Variants in PIGZ observed in about 807,000 individuals in gnomAD.
PIGZ encodes GPI alpha-1,2-mannosyltransferase 4.
PIGZ carries 16 observed loss-of-function variants against 16.4 expected under a neutral mutation model. The observed-to-expected ratio is 0.97, with a 90% CI of 0.66 to 1.48. PIGZ has a LOEUF of 1.48. Among genes scored for constraint, PIGZ ranks in the 40% most tolerant of loss-of-function variants. The pLI, the probability that PIGZ is intolerant of heterozygous loss-of-function variation, is 0.00. For missense variants in PIGZ, 770 were observed against 739.2 expected (o/e 1.04, Z -0.48); for synonymous variants, 409 against 338.4 (o/e 1.21, Z -2.29).
chr3:196,952,523 C>T (rs1221205223), intron 1 of PIGZ, among the ~76,000 whole-genome samples: 2 of 152,174 alleles, frequency 1.3e-5, no homozygotes, highest in South Asian at 2.1e-4. Flanking sequence ...CCGCAACCTC[C>T]ACCTCCCAGG....
At chr3:196,964,152 G>A (rs1206420777) in intron 1 of PIGZ, among the ~76,000 whole-genome samples, 4 of 152,010 alleles carry the variant, frequency 2.6e-5, no homozygotes, top group Admixed American at 6.6e-5. Flanking sequence ...CCGGGTTCAC[G>A]CCATTCTCCT....
rs17855662 is a variant in PIGZ at position 196,947,436 on chromosome 3, C to T, written c.1461G>A (p.Met487Ile). Residue 487 changes from methionine (M) to isoleucine (I), a missense_variant, in exon 3 of 3, where the codon ATG becomes ATA. Met to Ile is a conservative substitution (Grantham distance 10). Coordinates refer to ENST00000412723, the MANE Select transcript of PIGZ (RefSeq NM_025163.4). ...ACAGGGCCCAGTCCTCAGTCCCCCC[C>T]ATGTCCACCACCTCCACTGGTGCCC... ...GLGAPVEVVD[M>I]GGTEDWALCQ... The T allele has an allele frequency of 0.073, 117,157 of 1,613,732 alleles. 4,882 individuals carry two copies. The highest frequency in any genetic ancestry group is 0.079 in the Non-Finnish European group (93,037 of 1,180,014).
intron 1 of PIGZ, 31 bp from the exon 2 acceptor site, chr3:196,952,062 G>C: frequency 1.9e-6 from 3 of 1,575,896 alleles, no homozygotes; most frequent in Non-Finnish European, 2.6e-6. Context: ...TGGTTATCAC[G>C]ATGTAAATTA....
chr3:196,955,222 G>A (rs1191143025), intron 1 of PIGZ, among the ~76,000 whole-genome samples: 1 of 152,090 alleles, frequency 6.6e-6, no homozygotes, highest in African/African-American at 2.4e-5. Flanking sequence ...CACCTTGCCT[G>A]GCCCAAATCT....
Position 196,947,458 on chromosome 3 carries a change from G to A in PIGZ, c.1439C>T (p.Ala480Val), listed in dbSNP as rs1444047547. 2 of 1,613,626 alleles carry A rather than the reference G, an allele frequency of 1.2e-6. No homozygotes were observed. The highest frequency in any genetic ancestry group is 1.7e-5 in the Admixed American group (1 of 60,024). ...CCCCATGTCCACCACCTCCACTGGT[G>A]CCCCCAGGCCTGGGAGGTGTAGGAG... ...RHLLHLPGLGAPVEVVDMGGT... is the reference protein window; with the variant it reads ...RHLLHLPGLGVPVEVVDMGGT... The change falls in exon 3 of 3, where the codon GCA becomes GTA. Residue 480 changes from alanine (A) to valine (V), a missense_variant. Ala to Val is a moderately conservative substitution (Grantham distance 64, BLOSUM62 0). Coordinates refer to ENST00000412723, the MANE Select transcript of PIGZ (RefSeq NM_025163.4).
intron 1 of PIGZ, among the ~76,000 whole-genome samples, chr3:196,967,868 C>G (rs1027902394): frequency 4.6e-5 from 7 of 152,200 alleles, no homozygotes; most frequent in African/African-American, 1.7e-4. Context: ...TTTAACCACC[C>G]GCGACCTTGC....
chr3:196,958,723 AT>A (rs1717598098), intron 1 of PIGZ, among the ~76,000 whole-genome samples: 1 of 152,240 alleles, frequency 6.6e-6, no homozygotes, highest in East Asian at 1.9e-4. Context: ...ATATTTGTTT[AT>A]TCTTATATAT....
At chr3:196,949,121 C>A (rs191608760) in intron 2 of PIGZ, among the ~76,000 whole-genome samples, 123 of 148,622 alleles carry the variant, frequency 8.3e-4, no homozygotes, top group African/African-American at 2.3e-3. Context: ...GAGATCACAG[C>A]TCTCGCTATG....
chr3:196,964,339 G>C (rs1206628109), intron 1 of PIGZ, among the ~76,000 whole-genome samples: 1 of 151,934 alleles, frequency 6.6e-6, no homozygotes, highest in Non-Finnish European at 1.5e-5. Flanking sequence ...ATGAGCCACC[G>C]TGCCCGGCCT....
intron 1 of PIGZ, among the ~76,000 whole-genome samples, chr3:196,957,616 G>A (rs1308091684): frequency 1.3e-5 from 2 of 151,978 alleles, no homozygotes; most frequent in Admixed American, 6.6e-5. Flanking sequence ...TCCTGACCTC[G>A]TGATCCGCCG....
chr3:196,950,445 C>A (rs911740557), intron 2 of PIGZ, among the ~76,000 whole-genome samples: 1 of 152,246 alleles, frequency 6.6e-6, no homozygotes, highest in African/African-American at 2.4e-5. Context: ...TTGTTCACAG[C>A]GTCTCTTGCT....
At position 196,965,024 on chromosome 3, in the gene PIGZ, C is replaced by A. The variant is rs1717871927; in HGVS notation, c.-1+3663G>T. ...TTCTGTACCTGCTTCAAACACAGGG[C>A]AGCCCAAAAGAACTCATCACCTTCC... On this transcript the variant is annotated intron_variant, in intron 1 of 2. Coordinates refer to ENST00000412723, the MANE Select transcript of PIGZ (RefSeq NM_025163.4). The surrounding 1 kb of genome is among the most constrained non-coding windows in gnomAD (Gnocchi z 4.2). Among the ~76,000 whole-genome samples the A allele has an allele frequency of 6.6e-6, 1 of 152,184 alleles. No homozygotes were observed. The highest frequency in any genetic ancestry group is 2.1e-4 in the South Asian group (1 of 4,830).
intron 2 of PIGZ, 77 bp from the exon 3 acceptor site, chr3:196,948,762 T>A: frequency 1.8e-6 from 2 of 1,103,094 alleles, no homozygotes; most frequent in Non-Finnish European, 2.5e-6. Flanking sequence ...GCACCCCACA[T>A]TTCCCACCCC....
chr3:196,962,602 G>A (rs1315517622), intron 1 of PIGZ, among the ~76,000 whole-genome samples: 1 of 151,172 alleles, frequency 6.6e-6, no homozygotes, highest in African/African-American at 2.4e-5. Context: ...TACTGAGATA[G>A]GAGAAAACCG....
chr3:196,948,032 G>T lies in PIGZ; in HGVS notation c.865C>A (p.Leu289Ile). The part of the protein sequence containing the change: ...YFSSPATSRN[L>I]VLTPVNFLHY... The stretch of plus-strand genomic sequence containing the variant: ...AAGAAGTTGACAGGTGTCAGGACAA[G>T]GTTCCTGGATGTAGCGGGGCTGGAG... Residue 289 changes from leucine (L) to isoleucine (I), a missense_variant, in exon 3 of 3, where the codon CTT becomes ATT. Physicochemically the swap from Leu to Ile is conservative, Grantham distance 5 (BLOSUM62 2). Coordinates refer to ENST00000412723, the MANE Select transcript of PIGZ (RefSeq NM_025163.4). 1 of 1,594,930 alleles carries T rather than the reference G, an allele frequency of 6.3e-7. No individual in the cohort carries two copies.
chr3:196,949,050 T>TCCCTTCCTTC (rs1553836993), intron 2 of PIGZ, among the ~76,000 whole-genome samples: 2 of 23,436 alleles, frequency 8.5e-5, no homozygotes, highest in African/African-American at 4.3e-4. Flanking sequence ...TTCCTTCCCT[T>TCCCTTCCTTC]CCCTTCCTTC....
intron 2 of PIGZ, among the ~76,000 whole-genome samples, chr3:196,949,923 G>A (rs1446938517): frequency 6.6e-6 from 1 of 152,114 alleles, no homozygotes; most frequent in Non-Finnish European, 1.5e-5. Context: ...GGAGAGAAGA[G>A]GGGTAGGTGA....
chr3:196,952,084 ACTGT>A, intron 1 of PIGZ, 53 bp from the exon 2 acceptor site: 1 of 1,477,080 alleles, frequency 6.8e-7, no homozygotes, highest in Non-Finnish European at 9.3e-7. Flanking sequence ...AATATATTCA[ACTGT>A]CTGAACAAAC....
rs1560183791 is a variant in PIGZ, at chr3:196,951,894, C to T, written c.138G>A (p.Val46=). The T allele has an allele frequency of 6.2e-7, 1 of 1,614,188 alleles. No homozygotes were observed. The highest frequency in any genetic ancestry group is 8.5e-7 in the Non-Finnish European group (1 of 1,180,038). ...VLWGGLSLLR[V]LWCLLPQTGY... ...CCGTCTGCGGAAGGAGACACCACAG[C>T]ACTCGGAGCAGGCTGAGACCACCCC... is the stretch of plus-strand genomic sequence containing the variant. Residue 46 remains valine, a synonymous_variant, in exon 2 of 3, where the codon GTG becomes GTA. Transcript: ENST00000412723.
Sources: allele counts gnomAD v4.1 joint callset (sites outside exome capture counted in the v4.1 genomes callset), GRCh38; gene constraint gnomAD v4.1.1; non-coding constraint Gnocchi (gnomAD v3.1); transcripts MANE v1.5; gene names NCBI Gene and HGNC (gene_info 2026-07-23, HGNC 2026-07-21).